PHACTR4: variants seen among roughly 807,000 people sequenced by gnomAD.
The protein encoded by PHACTR4 is phosphatase and actin regulator 4.
A neutral mutation model predicts 72.7 loss-of-function variants in PHACTR4; 51 were observed. The observed-to-expected ratio is 0.70, with a 90% CI of 0.56 to 0.89. The LOEUF is 0.89. Among genes scored for constraint, PHACTR4 ranks in the 40% least tolerant of loss-of-function variants. The pLI, the probability that PHACTR4 is intolerant of heterozygous loss-of-function variation, is 0.00. For synonymous variants in PHACTR4, 255 were observed against 302.5 expected (o/e 0.84, Z 1.63); for missense variants, 731 against 861.8 (o/e 0.85, Z 1.90).
chr1:28,431,276 G>A (rs1324647177), intron 2 of PHACTR4, among the ~76,000 whole-genome samples: 4 of 148,454 alleles, frequency 2.7e-5, no homozygotes, highest in South Asian at 2.1e-4. Flanking sequence ...AGGCCGAGGC[G>A]GGTGGATCAT....
At position 28,376,824 on chromosome 1, in the gene PHACTR4, A is replaced by G. The variant is rs545210578; in HGVS notation, c.-39+6999A>G. ...GCTAATTTTTTTGTATTTTTAGTAGAGACAGGGTTTCACTATGTTAGCCAG... is the reference window on the plus strand; with the variant it reads ...GCTAATTTTTTTGTATTTTTAGTAGGGACAGGGTTTCACTATGTTAGCCAG... On this transcript the variant is annotated intron_variant, in intron 1 of 13. Coordinates refer to ENST00000373839, the MANE Select transcript of PHACTR4 (RefSeq NM_001048183.3). Among the ~76,000 whole-genome samples, 9 of 147,360 alleles carry G rather than the reference A, an allele frequency of 6.1e-5. No homozygotes were observed. In the South Asian group the frequency reaches 1.7e-3, roughly 27 times the overall value.
intron 2 of PHACTR4, among the ~76,000 whole-genome samples, chr1:28,448,761 C>CAAA (rs777343479): frequency 1.5e-3 from 31 of 20,302 alleles, no homozygotes; most frequent in African/African-American, 2.3e-3. Context: ...GACTCCATCT[C>CAAA]AAAAAAAAAA....
intron 2 of PHACTR4, among the ~76,000 whole-genome samples, chr1:28,456,829 G>A (rs1196082900): frequency 2.6e-5 from 4 of 152,102 alleles, no homozygotes; most frequent in African/African-American, 4.8e-5. Context: ...TGAAGGCTCA[G>A]TGAGCTGTGA....
rs1005678888 is a variant in PHACTR4 at position 28,460,543 on chromosome 1, C to T, written c.271+251C>T. Among the ~76,000 whole-genome samples the T allele has an allele frequency of 4.2e-4, 64 of 152,020 alleles. 1 individual carries two copies. Among genetic ancestry groups the T allele is most frequent in the Non-Finnish European group, 7.4e-5 (5 of 68,020 alleles). The stretch of plus-strand genomic sequence containing the variant: ...CCCCCCCTTGAGACAGAGTCTTGCT[C>T]TGTTGCCCAGGCTGGAGTGCAGTGG... On this transcript the variant is annotated intron_variant, in intron 4 of 13. Coordinates refer to ENST00000373839, the MANE Select transcript of PHACTR4 (RefSeq NM_001048183.3).
intron 6 of PHACTR4, 37 bp downstream of exon 6, chr1:28,466,805 G>A: frequency 1.3e-6 from 2 of 1,571,028 alleles, no homozygotes; most frequent in East Asian, 4.5e-5. Flanking sequence ...TTTTGGGTTT[G>A]GTTTGATGTT....
At position 28,496,522 on chromosome 1, in the gene PHACTR4, A is replaced by C. The variant is rs754739090; in HGVS notation, c.2094-12A>C. On this transcript the variant is annotated splice_polypyrimidine_tract_variant and intron_variant, in intron 13 of 13. Transcript: ENST00000373839. Reference sequence around the variant, plus strand: ...TCATGTGGTAACTTGTCTCTTTTTTAATCTCTTTTAGCTACCATCGTCCAT... The same window carrying C: ...TCATGTGGTAACTTGTCTCTTTTTTCATCTCTTTTAGCTACCATCGTCCAT... 6 of 1,613,648 alleles carry C rather than the reference A, an allele frequency of 3.7e-6. No individual in the cohort carries two copies. Among genetic ancestry groups the C allele is most frequent in the Non-Finnish European group, 5.1e-6 (6 of 1,179,696 alleles).
In PHACTR4 at chr1:28,480,472, A is replaced by G; in HGVS notation, c.1628A>G (p.Lys543Arg). 1 of 1,614,074 alleles carries G rather than the reference A, an allele frequency of 6.2e-7. No homozygotes were observed. Among genetic ancestry groups the G allele is most frequent in the Non-Finnish European group, 8.5e-7 (1 of 1,179,982 alleles). ...SYQSALANKV[K>R]RKDTLAMKLN... Reference sequence around the variant, plus strand: ...AAAGGTGCTCTCGCCAACAAAGTGAAGAGGAAAGACACACTGGCAATGAAG... The same window carrying G: ...AAAGGTGCTCTCGCCAACAAAGTGAGGAGGAAAGACACACTGGCAATGAAG... Residue 543 changes from lysine (K) to arginine (R), a missense_variant, in exon 9 of 14, where the codon AAG (lysine) becomes AGG (arginine). Transcript: ENST00000373839.
intron 1 of PHACTR4, among the ~76,000 whole-genome samples, chr1:28,370,368 C>T (rs542013724): frequency 1.3e-5 from 2 of 152,012 alleles, no homozygotes; most frequent in Non-Finnish European, 2.9e-5. Context: ...GGCTTCAGGG[C>T]ACGAAACTCC....
intron 2 of PHACTR4, among the ~76,000 whole-genome samples, chr1:28,413,961 A>C (rs1654939748): frequency 6.6e-6 from 1 of 152,186 alleles, no homozygotes; most frequent in Non-Finnish European, 1.5e-5. Flanking sequence ...CTGTGTTTGG[A>C]TGGTAAGGGG....
intron 9 of PHACTR4, among the ~76,000 whole-genome samples, chr1:28,483,335 T>C (rs752600222): frequency 8.6e-5 from 13 of 151,112 alleles, no homozygotes; most frequent in Non-Finnish European, 1.5e-4. Flanking sequence ...GGGCTCAAGG[T>C]CGGCCCAGGA....
intron 4 of PHACTR4, among the ~76,000 whole-genome samples, chr1:28,461,355 C>CACTTGA (rs1225088772): frequency 6.6e-6 from 1 of 152,076 alleles, no homozygotes; most frequent in African/African-American, 2.4e-5. Flanking sequence ...GCAGGAGAAT[C>CACTTGA]ACTTGAACTC....
At position 28,466,636 on chromosome 1, in the gene PHACTR4, C is replaced by T; in HGVS notation, c.691C>T (p.Pro231Ser). The T allele has an allele frequency of 6.2e-7, 1 of 1,614,030 alleles. No homozygotes were observed. Among genetic ancestry groups the T allele is most frequent in the South Asian group, 1.1e-5 (1 of 91,078 alleles). ...TCTCTCTGTCACCCCTTCCCCAGCA[C>T]CCAGGACTCTGCCTGCTGCTCCTGC... ...VNLSVTPSPA[P>S]RTLPAAPAST... is the part of the protein sequence containing the mutation. The change falls in exon 6 of 14, where the codon CCC (proline) becomes TCC (serine). Residue 231 changes from proline to serine, a missense_variant. Physicochemically the swap from Pro to Ser is moderately conservative, Grantham distance 74. Coordinates refer to ENST00000373839, the MANE Select transcript of PHACTR4 (RefSeq NM_001048183.3).
intron 9 of PHACTR4, among the ~76,000 whole-genome samples, chr1:28,486,849 A>C (rs1488513517): frequency 6.7e-6 from 1 of 150,140 alleles, no homozygotes; most frequent in South Asian, 2.1e-4. Context: ...ACAGAGTGAG[A>C]CTCTGTCTCA....
intron 7 of PHACTR4, among the ~76,000 whole-genome samples, chr1:28,475,779 T>A (rs1301328450): frequency 6.8e-6 from 1 of 146,912 alleles, no homozygotes; most frequent in Non-Finnish European, 1.5e-5. Flanking sequence ...CAGGCTGGAA[T>A]GTAGTGGCAC....
At chr1:28,429,464 A>G (rs1041873473) in intron 2 of PHACTR4, among the ~76,000 whole-genome samples, 87 of 152,288 alleles carry the variant, frequency 5.7e-4, no homozygotes, top group African/African-American at 1.9e-3. Context: ...CCTCCGTGAG[A>G]AAAGTTCCAC....
intron 2 of PHACTR4, among the ~76,000 whole-genome samples, chr1:28,450,954 G>A (rs1657910782): frequency 7.5e-6 from 1 of 132,940 alleles, no homozygotes; most frequent in Non-Finnish European, 1.6e-5. Context: ...GGAACTACAG[G>A]CATGTACCAC....
chr1:28,383,215 A>G (rs971913301), intron 1 of PHACTR4, among the ~76,000 whole-genome samples: 11 of 151,990 alleles, frequency 7.2e-5, no homozygotes, highest in Non-Finnish European at 1.3e-4. Context: ...CTATTGGTCT[A>G]TGTGTCTTTT....
At chr1:28,395,960 G>A (rs892000696) in intron 1 of PHACTR4, among the ~76,000 whole-genome samples, 13 of 146,276 alleles carry the variant, frequency 8.9e-5, no homozygotes, top group Middle Eastern at 3.5e-3. Flanking sequence ...CACCACGCCC[G>A]GCCAACTTTT....
chr1:28,378,439 G>A (rs916789253), intron 1 of PHACTR4, among the ~76,000 whole-genome samples: 1 of 149,682 alleles, frequency 6.7e-6, no homozygotes, highest in Admixed American at 6.7e-5. Flanking sequence ...GGAGGCGGAG[G>A]TTGCAATGAG....
Sources: allele counts gnomAD v4.1 joint callset (sites outside exome capture counted in the v4.1 genomes callset), GRCh38; gene constraint gnomAD v4.1.1; transcripts MANE v1.5; gene names NCBI Gene and HGNC (gene_info 2026-07-23, HGNC 2026-07-21).